The following RRH variants were observed in gnomAD, a reference collection of about 807,000 sequenced individuals.
RRH encodes the protein visual pigment-like receptor peropsin.
Under a neutral mutation model 33.1 loss-of-function variants are expected in RRH, and 36 were observed. The observed-to-expected ratio is 1.09, with a 90% CI of 0.83 to 1.44. The LOEUF is 1.44. Ranked by LOEUF, RRH falls within the 40% of genes most tolerant of loss-of-function variation. RRH has a pLI of 0.00. For synonymous variants in RRH, 124 were observed against 140.2 expected (o/e 0.88, Z 0.82); for missense variants, 393 against 420.2 (o/e 0.94, Z 0.57).
At chr4:109,831,777 G>A (rs1210340275) in intron 1 of RRH, among the ~76,000 whole-genome samples, 1 of 152,096 alleles carries the variant, frequency 6.6e-6, no homozygotes, top group Non-Finnish European at 1.5e-5. Context: ...TATCAGGTTG[G>A]GAAATTTGGA....
rs752096333 is a variant in RRH, at chr4:109,837,449, T to A, written c.564T>A (p.Ser188=). ...NWRKNDRSFV[S]YTMTVIAINF... Reference sequence around the variant, plus strand: ...TTCTTATTTTCAGATCTTTTGTGTCTTACACCATGACAGTTATTGCGATAA... The same window carrying A: ...TTCTTATTTTCAGATCTTTTGTGTCATACACCATGACAGTTATTGCGATAA... Residue 188 remains serine (S), a synonymous_variant, in exon 5 of 7, where the codon TCT becomes TCA. Coordinates refer to ENST00000317735, the MANE Select transcript of RRH (RefSeq NM_006583.5). 2.5e-6 allele frequency: 4 copies of A among 1,614,076 alleles called. No homozygotes were observed. The highest frequency in any genetic ancestry group is 1.6e-4 in the Middle Eastern group (1 of 6,062).
At chr4:109,830,078 T>C (rs919170625) in intron 1 of RRH, among the ~76,000 whole-genome samples, 2 of 152,218 alleles carry the variant, frequency 1.3e-5, no homozygotes, top group Non-Finnish European at 2.9e-5. Context: ...ATTTATAGTT[T>C]GGCTCCTATA....
At chr4:109,831,098 C>T (rs568180213) in intron 1 of RRH, among the ~76,000 whole-genome samples, 1 of 152,254 alleles carries the variant, frequency 6.6e-6, no homozygotes, top group Non-Finnish European at 1.5e-5. Context: ...TTCATAACCC[C>T]CATTATTTCT....
At chr4:109,837,771 T>C (rs528345088) in intron 5 of RRH, among the ~76,000 whole-genome samples, 166 bp downstream of exon 5, 26 of 152,214 alleles carry the variant, frequency 1.7e-4, no homozygotes, top group Non-Finnish European at 3.1e-4. Context: ...GCTTTTATTT[T>C]TGTTTTTTGC....
chr4:109,838,507 C>CT (rs35832755), intron 5 of RRH, among the ~76,000 whole-genome samples: 5 of 150,208 alleles, frequency 3.3e-5, no homozygotes, highest in East Asian at 2.0e-4. Context: ...GCTTGTCTTC[C>CT]TTTTTTTTTT....
In RRH at chr4:109,844,280, G is replaced by A. The variant is rs1734040393; in HGVS notation, c.*83G>A. ...TTAAATATGAGCCCATTTAGATCAA[G>A]TGCAGACATGGATCATTGTCCTATG... On this transcript the variant is annotated 3_prime_UTR_variant, in exon 7 of 7. Transcript: ENST00000317735. 5 of 845,300 alleles carry A rather than the reference G, an allele frequency of 5.9e-6. No homozygotes were observed. Among genetic ancestry groups the A allele is most frequent in the Admixed American group, 1.8e-5 (1 of 56,588 alleles). The allele number at this position is 845,300 out of a possible 1,614,324, so 52.4% of individuals were successfully genotyped here.
chr4:109,829,364 A>T (rs939272512), intron 1 of RRH, among the ~76,000 whole-genome samples: 1 of 151,782 alleles, frequency 6.6e-6, no homozygotes, highest in African/African-American at 2.4e-5. Context: ...TAACAATTAC[A>T]TGGAAATACT....
intron 5 of RRH, among the ~76,000 whole-genome samples, chr4:109,837,919 G>A (rs1293037395): frequency 6.6e-6 from 1 of 152,118 alleles, no homozygotes; most frequent in Non-Finnish European, 1.5e-5. Context: ...GGGATTACAG[G>A]CACCTGCTGC....
intron 2 of RRH, among the ~76,000 whole-genome samples, chr4:109,834,300 C>A (rs375036383): frequency 6.8e-6 from 1 of 147,784 alleles, no homozygotes; most frequent in Non-Finnish European, 1.5e-5. Context: ...CTTATTGGAC[C>A]TTTGTTGCCA....
intron 5 of RRH, 55 bp downstream of exon 5, chr4:109,837,660 A>C: frequency 1.4e-6 from 2 of 1,382,382 alleles, no homozygotes; most frequent in Non-Finnish European, 2.0e-6. Context: ...ACCCACTCAT[A>C]GTTGAAAGAG....
chr4:109,840,701 T>C (rs1733967983), intron 5 of RRH, among the ~76,000 whole-genome samples: 1 of 152,056 alleles, frequency 6.6e-6, no homozygotes, highest in African/African-American at 2.4e-5. Context: ...TACTTCCTTC[T>C]GTTTACCACA....
At chr4:109,829,109 T>A (rs748762078) in intron 1 of RRH, among the ~76,000 whole-genome samples, 1 of 152,116 alleles carries the variant, frequency 6.6e-6, no homozygotes, top group Non-Finnish European at 1.5e-5. Context: ...GGATTGACTT[T>A]TATAAAAATT....
rs571476301 is a variant in RRH, at chr4:109,835,266, C to A, written c.298-100C>A. ...TATTTTAAAGTAGTAAAGTAAAAAA[C>A]CTTTAGTATATTTGAGATATATTCT... On this transcript the variant is annotated intron_variant, in intron 2 of 6. Coordinates refer to ENST00000317735, the MANE Select transcript of RRH (RefSeq NM_006583.5). 57 of 764,514 alleles carry A rather than the reference C, an allele frequency of 7.5e-5. No individual in the cohort carries two copies. In the Admixed American group the frequency reaches 1.1e-3, roughly 15 times the overall value. The allele number at this position is 764,514 out of a possible 1,614,324, so 47.4% of individuals were successfully genotyped here.
At position 109,828,134 on chromosome 4, in the gene RRH, G is replaced by A. The variant is rs777670905; in HGVS notation, c.106+1G>A. 7.6e-6 allele frequency: 12 copies of A among 1,589,038 alleles called. No individual in the cohort carries two copies. The highest frequency in any genetic ancestry group is 2.2e-5 in the South Asian group (2 of 90,510). ...GTTGCAACTTACTTGATTATGGCAG[G>A]TATGGATATTTAAGTAAGTTATTTT... On this transcript the variant is annotated splice_donor_variant, in intron 1 of 6. Transcript: ENST00000317735. LOFTEE classifies it high-confidence loss of function.
At chr4:109,828,721 T>G (rs1045398694) in intron 1 of RRH, among the ~76,000 whole-genome samples, 30 of 152,204 alleles carry the variant, frequency 2.0e-4, no homozygotes, top group African/African-American at 6.7e-4. Flanking sequence ...CTCTTGAGTT[T>G]TGGATTTCAT....
intron 5 of RRH, among the ~76,000 whole-genome samples, chr4:109,841,017 CAA>C (rs1265838734): frequency 6.6e-6 from 1 of 152,062 alleles, no homozygotes; most frequent in East Asian, 1.9e-4. Flanking sequence ...AATCTGGAAA[CAA>C]ATACAATCCT....
rs549502329 is a variant in RRH, at chr4:109,833,024, A to G, written c.107-115A>G. The G allele has an allele frequency of 1.3e-5, 11 of 832,266 alleles. No homozygotes were observed. The South Asian group carries it at 1.3e-4, about 10-fold the overall frequency. 51.6% of individuals were successfully genotyped at this position (832,266 alleles called of 1,614,324 possible). A position where few individuals can be genotyped will look rare whatever the true frequency, so the allele number is the denominator to read the frequency against. Reference sequence around the variant, plus strand: ...AAGAACAGCAGGAGCTCTTCAAATAAATGAACTAAAATAGATCTGTTATGT... The same window carrying G: ...AAGAACAGCAGGAGCTCTTCAAATAGATGAACTAAAATAGATCTGTTATGT... On this transcript the variant is annotated intron_variant, in intron 1 of 6. Transcript: ENST00000317735.
chr4:109,841,219 G>A (rs1019659781), intron 5 of RRH, among the ~76,000 whole-genome samples: 1 of 152,088 alleles, frequency 6.6e-6, no homozygotes, highest in Admixed American at 6.5e-5. Flanking sequence ...TAACTGTCTA[G>A]GTAACTATAT....
chr4:109,843,366 A>G (rs971740273), intron 6 of RRH, among the ~76,000 whole-genome samples: 2 of 152,116 alleles, frequency 1.3e-5, no homozygotes, highest in South Asian at 2.1e-4. Flanking sequence ...GCCCGCCACC[A>G]CACCCGGCTA....
Sources: allele counts gnomAD v4.1 joint callset (sites outside exome capture counted in the v4.1 genomes callset), GRCh38; gene constraint gnomAD v4.1.1; transcripts MANE v1.5; gene names NCBI Gene and HGNC (gene_info 2026-07-23, HGNC 2026-07-21).